The following CREM variants were observed in gnomAD, a reference collection of about 807,000 sequenced individuals.
The protein encoded by CREM is cAMP responsive element modulator.
Under a neutral mutation model 37.3 loss-of-function variants are expected in CREM, and 13 were observed. The ratio of observed to expected loss-of-function variants is 0.35; its 90% CI spans 0.23 to 0.55. The LOEUF is 0.55. Ranked by LOEUF, CREM falls within the 20% of genes least tolerant of loss-of-function variation. CREM has a pLI of 0.88. For missense variants in CREM, 296 were observed against 362.3 expected, an observed-to-expected ratio of 0.82 and a Z score of 1.49; for synonymous variants, 124 against 120.2, an observed-to-expected ratio of 1.03 and a Z score of -0.21.
chr10:35,201,122 G>A (rs1479596037), intron 6 of CREM, among the ~76,000 whole-genome samples: 1 of 151,450 alleles, frequency 6.6e-6, no homozygotes, highest in Non-Finnish European at 1.5e-5. Context: ...ATTCTCTAAA[G>A]GAATATAACG....
In CREM at chr10:35,212,836, A is replaced by G. The variant is rs1439901745; in HGVS notation, c.*1438A>G. 6.5e-6 allele frequency: 1 copy of G among 152,762 alleles called. No individual in the cohort carries two copies. The highest frequency in any genetic ancestry group is 2.4e-5 in the African/African-American group (1 of 41,440). The allele number at this position is 152,762 out of a possible 1,614,324, so 9.5% of individuals were successfully genotyped here. ...AATGCTTCAAAGTCCACATTAGATC[A>G]GATACTCCGCTGTCGGCACATTCAG... On this transcript the variant is annotated 3_prime_UTR_variant, in exon 8 of 8. Transcript: ENST00000685392.
intron 5 of CREM, among the ~76,000 whole-genome samples, chr10:35,184,266 A>G (rs1270140979): frequency 6.6e-6 from 1 of 152,160 alleles, no homozygotes; most frequent in Admixed American, 6.5e-5. Context: ...AAATAGCTAA[A>G]ATAGAAGATA....
intron 3 of CREM, among the ~76,000 whole-genome samples, chr10:35,171,707 T>TG (rs908036000): frequency 5.3e-5 from 8 of 152,226 alleles, no homozygotes; most frequent in African/African-American, 1.4e-4. Context: ...GTAGGACCCC[T>TG]GGGTTTCCCC....
Position 35,192,920 on chromosome 10 carries a change from A to G in CREM, c.598+4532A>G, listed in dbSNP as rs2094978126. Among the ~76,000 whole-genome samples the G allele has an allele frequency of 2.0e-5, 3 of 152,110 alleles. No homozygotes were observed. In the South Asian group the frequency reaches 6.2e-4, roughly 32 times the overall value. On this transcript the variant is annotated intron_variant, in intron 6 of 7. Transcript: ENST00000685392. ...GCCTTGCATTCTTTAATAGCTGCCT[A>G]CCTCTCCACTTCTCCCTCTTTTGTA...
chr10:35,135,000 T>C (rs911637076), intron 1 of CREM, among the ~76,000 whole-genome samples: 5 of 149,670 alleles, frequency 3.3e-5, no homozygotes, highest in Admixed American at 1.3e-4. Context: ...ATGGTGCCAC[T>C]GCACTCCAGC....
chr10:35,172,716 C>A (rs756138379), intron 3 of CREM, among the ~76,000 whole-genome samples: 4 of 152,084 alleles, frequency 2.6e-5, no homozygotes, highest in African/African-American at 4.8e-5. Context: ...AGCACCCCCC[C>A]GCTGCGTCCT....
intron 1 of CREM, among the ~76,000 whole-genome samples, chr10:35,132,718 T>C (rs1002502640): frequency 2.0e-5 from 3 of 152,210 alleles, no homozygotes; most frequent in African/African-American, 7.2e-5. Flanking sequence ...TCTCCCATTG[T>C]TTTTCCTGTA....
rs763223061 is a variant in CREM, at chr10:35,211,406, T to C, written c.*8T>C. On this transcript the variant is annotated 3_prime_UTR_variant, in exon 8 of 8. Transcript: ENST00000685392. ...TGCCATAAAGTAGAGTAACTGTCTT[T>C]GACTTGGACCTTGTTTACTCTAATC... 8 of 1,611,546 alleles carry C rather than the reference T, an allele frequency of 5.0e-6. No individual in the cohort carries two copies. Among genetic ancestry groups the C allele is most frequent in the Non-Finnish European group, 6.8e-6 (8 of 1,178,918 alleles).
At chr10:35,156,579 G>A (rs546258324) in intron 3 of CREM, among the ~76,000 whole-genome samples, 6 of 152,180 alleles carry the variant, frequency 3.9e-5, no homozygotes, top group Non-Finnish European at 5.9e-5. Flanking sequence ...TTATTTTATC[G>A]TTTGTTATTA....
At chr10:35,145,888 A>G (rs1263962595) in intron 2 of CREM, among the ~76,000 whole-genome samples, 1 of 152,086 alleles carries the variant, frequency 6.6e-6, no homozygotes, top group Non-Finnish European at 1.5e-5. Context: ...AATTGTTTGC[A>G]TATAAGAAGT....
intron 2 of CREM, among the ~76,000 whole-genome samples, chr10:35,141,312 T>TC (rs2091394849): frequency 6.6e-6 from 1 of 152,164 alleles, no homozygotes; most frequent in Non-Finnish European, 1.5e-5. Context: ...ACTGAAGAGT[T>TC]TTAAGCAAAG....
rs1267599656 is a variant in CREM, at chr10:35,200,204, A to G, written c.599-6691A>G. ...CACCCAGCCTAAAATTGAATTTTTT[A>G]TAGATTATTATTACTCTCATAGGAC... On this transcript the variant is annotated intron_variant, in intron 6 of 7. Transcript: ENST00000685392. Among the ~76,000 whole-genome samples the G allele has an allele frequency of 2.0e-5, 3 of 152,258 alleles. No individual in the cohort carries two copies. In the East Asian group the frequency reaches 5.8e-4, roughly 29 times the overall value.
rs1004615397 is a variant in CREM at position 35,142,234 on chromosome 10, C to T, written c.44+4355C>T. On this transcript the variant is annotated intron_variant, in intron 2 of 7. Transcript: ENST00000685392. The stretch of plus-strand genomic sequence containing the variant: ...TGTATAAGTTGTGAGATGGGAGAGA[C>T]GTGAATGTGTTTAAGTCTTTACAGG... Among the ~76,000 whole-genome samples, 7 of 152,040 alleles carry T rather than the reference C, an allele frequency of 4.6e-5. 1 individual carries two copies. In the South Asian group the frequency reaches 1.0e-3, roughly 22 times the overall value.
At chr10:35,151,909 G>A (rs964818636) in intron 3 of CREM, among the ~76,000 whole-genome samples, 8 of 152,126 alleles carry the variant, frequency 5.3e-5, no homozygotes, top group African/African-American at 1.4e-4. Flanking sequence ...GCAGCTGTTC[G>A]TTTATGAGTA....
At chr10:35,169,112 T>C (rs2093684058) in intron 3 of CREM, among the ~76,000 whole-genome samples, 1 of 152,196 alleles carries the variant, frequency 6.6e-6, no homozygotes, top group Non-Finnish European at 1.5e-5. Flanking sequence ...AACTTTAAAG[T>C]CGTTTTTTCC....
chr10:35,188,053 T>A, intron 5 of CREM, 147 bp from the exon 6 acceptor site: 1 of 731,744 alleles, frequency 1.4e-6, no homozygotes, highest in Non-Finnish European at 2.2e-6. Context: ...ACGAAGCTGA[T>A]CTTCCTTCTC....
At chr10:35,140,118 G>T (rs1422850877) in intron 2 of CREM, among the ~76,000 whole-genome samples, 1 of 152,070 alleles carries the variant, frequency 6.6e-6, no homozygotes, top group Non-Finnish European at 1.5e-5. Context: ...TGCTAGTGTT[G>T]ACCTTTTTTG....
At chr10:35,169,272 A>G (rs933147373) in intron 3 of CREM, among the ~76,000 whole-genome samples, 3 of 151,948 alleles carry the variant, frequency 2.0e-5, no homozygotes, top group Admixed American at 6.6e-5. Flanking sequence ...CTTTTATTTC[A>G]TTGAGCAGTG....
intron 3 of CREM, among the ~76,000 whole-genome samples, chr10:35,163,389 A>G (rs566351634): frequency 4.6e-5 from 7 of 152,054 alleles, no homozygotes; most frequent in African/African-American, 1.4e-4. Context: ...TTACTGCTTC[A>G]TACATAAAAA....
Sources: gnomAD v4.1 joint callset for allele counts (sites outside exome capture counted in the v4.1 genomes callset) on GRCh38, gnomAD v4.1.1 for gene constraint, MANE v1.5 for transcripts, NCBI Gene and HGNC (gene_info 2026-07-23, HGNC 2026-07-21) for gene names.